Variants in WDPCP observed in about 807,000 individuals in gnomAD.
The protein encoded by WDPCP is WD repeat-containing and planar cell polarity effector protein fritz homolog.
In WDPCP, 71 loss-of-function variants were observed where a neutral mutation model predicts 93.1. The observed-to-expected ratio is 0.76, with a 90% confidence interval of 0.63 to 0.93. The LOEUF (loss-of-function observed/expected upper bound fraction) is 0.93. WDPCP is among the 40% of genes least tolerant of loss of function. WDPCP has a pLI of 0.00. For missense variants in WDPCP, 844 were observed against 887.4 expected, an observed-to-expected ratio of 0.95 and a Z score of 0.62; for synonymous variants, 315 against 315.0, an observed-to-expected ratio of 1.00 and a Z score of 0.00.
At chr2:63,365,537 A>G (rs985244114) in intron 12 of WDPCP, among the ~76,000 whole-genome samples, 2 of 152,166 alleles carry the variant, frequency 1.3e-5, no homozygotes, top group African/African-American at 4.8e-5. Context: ...GTAGACTAGG[A>G]CCTAAAACCA....
chr2:63,141,084 C>CT lies in WDPCP; in HGVS notation c.2190+11829dup, dbSNP rs775802578. On this transcript the variant is annotated intron_variant, in intron 17 of 17. Transcript: ENST00000272321. ...TATTGAGATGATCATGTGATTTTTACTTTTTTTTTTTTTGAGACAGAGTCT... is the reference window on the plus strand; with the variant it reads ...TATTGAGATGATCATGTGATTTTTACTTTTTTTTTTTTTTGAGACAGAGTCT... Among the ~76,000 whole-genome samples, 863 of 144,682 alleles carry CT rather than the reference C, an allele frequency of 6.0e-3. 5 individuals carry two copies. The highest frequency in any genetic ancestry group is 0.036 in the Middle Eastern group (10 of 274). 94.9% of individuals were successfully genotyped at this position (144,682 alleles called of 152,430 possible). A position where few individuals can be genotyped will look rare whatever the true frequency, so the allele number is the denominator to read the frequency against.
intron 3 of WDPCP, among the ~76,000 whole-genome samples, chr2:63,649,303 C>G (rs7574047): frequency 0.015 from 2,227 of 152,282 alleles, 63 homozygotes; most frequent in African/African-American, 0.051. Context: ...AATCATACAA[C>G]ATGTGGTCTT....
chr2:63,422,075 CA>C (rs374374282), intron 9 of WDPCP, among the ~76,000 whole-genome samples: 48 of 152,212 alleles, frequency 3.2e-4, no homozygotes, highest in African/African-American at 1.0e-3. Flanking sequence ...ATAATCAACC[CA>C]AAAACAACAG....
At chr2:63,348,861 T>A (rs1357987302) in intron 12 of WDPCP, among the ~76,000 whole-genome samples, 13 of 152,214 alleles carry the variant, frequency 8.5e-5, no homozygotes, top group Non-Finnish European at 1.5e-5. Context: ...GAGAAAACTG[T>A]TAACAAGTGG....
chr2:63,349,369 A>G (rs1689418767), intron 12 of WDPCP, among the ~76,000 whole-genome samples: 1 of 152,068 alleles, frequency 6.6e-6, no homozygotes, highest in African/African-American at 2.4e-5. Flanking sequence ...CTAAAAATTT[A>G]TTTTCTTTTA....
At chr2:63,414,539 C>A (rs930625139) in intron 9 of WDPCP, among the ~76,000 whole-genome samples, 2 of 151,892 alleles carry the variant, frequency 1.3e-5, no homozygotes, top group African/African-American at 4.8e-5. Flanking sequence ...TGGAATACTA[C>A]ACAGCCATAA....
intron 6 of WDPCP, among the ~76,000 whole-genome samples, chr2:63,455,460 A>G (rs1698560491): frequency 6.6e-6 from 1 of 151,018 alleles, no homozygotes; most frequent in African/African-American, 2.4e-5. Context: ...ACACACACAG[A>G]AAGTAAAGGG....
intron 10 of WDPCP, among the ~76,000 whole-genome samples, chr2:63,395,045 A>G (rs1693596692): frequency 6.6e-6 from 1 of 152,130 alleles, no homozygotes; most frequent in South Asian, 2.1e-4. Flanking sequence ...AAAAGTTAAA[A>G]AAATTGTGGT....
chr2:63,781,434 C>T (rs1670389677), intron 2 of WDPCP, among the ~76,000 whole-genome samples: 1 of 152,098 alleles, frequency 6.6e-6, no homozygotes, highest in Admixed American at 6.6e-5. Context: ...CTCTCCTGTT[C>T]TTTATTTCAT....
chr2:63,322,038 G>T (rs1025070269), intron 12 of WDPCP, among the ~76,000 whole-genome samples: 1 of 152,140 alleles, frequency 6.6e-6, no homozygotes, highest in Non-Finnish European at 1.5e-5. Flanking sequence ...TTCTGGGTTG[G>T]GTGGGGACTT....
chr2:63,693,753 AC>A (rs1558885928), intron 2 of WDPCP, among the ~76,000 whole-genome samples: 1 of 152,222 alleles, frequency 6.6e-6, no homozygotes, highest in Non-Finnish European at 1.5e-5. Context: ...GTTGTTGCTA[AC>A]AACCCAGCAC....
intron 15 of WDPCP, among the ~76,000 whole-genome samples, chr2:63,157,450 G>A (rs2103861329): frequency 6.6e-6 from 1 of 152,142 alleles, no homozygotes; most frequent in Middle Eastern, 3.4e-3. Context: ...TGAAAGAAAT[G>A]TGCACAATTG....
At chr2:63,830,490 C>G (rs1671176092), upstream of WDPCP, among the ~76,000 whole-genome samples, 1 of 152,118 alleles carries the variant, frequency 6.6e-6, no homozygotes, top group South Asian at 2.1e-4. Flanking sequence ...ATAATTTTCT[C>G]TCGGAACTAT....
chr2:63,346,081 C>G (rs2104503058), intron 12 of WDPCP, among the ~76,000 whole-genome samples: 1 of 152,228 alleles, frequency 6.6e-6, no homozygotes, highest in Non-Finnish European at 1.5e-5. Flanking sequence ...GGTAAGAGTC[C>G]ATTTATGTGG....
At chr2:63,834,527 G>A in the WDPCP span, among the ~76,000 whole-genome samples, 3 of 152,164 alleles carry the variant, frequency 2.0e-5, no homozygotes, top group Non-Finnish European at 1.5e-5. Context: ...ACGCTGTGAA[G>A]CATATTGATT....
chr2:63,483,749 A>G (rs1462229325), intron 6 of WDPCP, among the ~76,000 whole-genome samples: 1 of 151,990 alleles, frequency 6.6e-6, no homozygotes, highest in Non-Finnish European at 1.5e-5. Flanking sequence ...TACAATTATT[A>G]TTAGAACTAA....
intron 14 of WDPCP, among the ~76,000 whole-genome samples, chr2:63,198,227 G>A (rs1675604929): frequency 6.6e-6 from 1 of 152,110 alleles, no homozygotes; most frequent in African/African-American, 2.4e-5. Flanking sequence ...GATTTGAACT[G>A]CTTTTATCAT....
intron 3 of WDPCP, among the ~76,000 whole-genome samples, chr2:63,487,045 A>G (rs1283872261): frequency 1.3e-5 from 2 of 152,078 alleles, no homozygotes; most frequent in Non-Finnish European, 2.9e-5. Flanking sequence ...TTCTGGGATT[A>G]GCAGGATTAA....
chr2:63,211,930 A>C (rs933622777), intron 14 of WDPCP, among the ~76,000 whole-genome samples: 6 of 152,226 alleles, frequency 3.9e-5, no homozygotes, highest in Admixed American at 6.5e-5. Flanking sequence ...AAAAGAGTAA[A>C]AAGAAATGAA....
Sources: allele counts gnomAD v4.1 joint callset (sites outside exome capture counted in the v4.1 genomes callset), GRCh38; gene constraint gnomAD v4.1.1; transcripts MANE v1.5; gene names NCBI Gene and HGNC (gene_info 2026-07-23, HGNC 2026-07-21).